Variants in FRMPD1 observed in about 807,000 individuals in gnomAD.
FRMPD1 encodes FERM and PDZ domain-containing protein 1.
A neutral mutation model predicts 117.8 loss-of-function variants in FRMPD1; 76 were observed. That is an observed-to-expected ratio of 0.65 (90% CI 0.54 to 0.78). The LOEUF (loss-of-function observed/expected upper bound fraction) is 0.78, where lower values mean the gene tolerates loss of function less well. FRMPD1 is among the 30% of genes least tolerant of loss of function. The pLI is 0.00. For synonymous variants in FRMPD1, 783 were observed against 770.4 expected (o/e 1.02, Z -0.27); for missense variants, 1,786 against 1,964.5 (o/e 0.91, Z 1.72).
At chr9:37,630,149 G>A in the FRMPD1 span, among the ~76,000 whole-genome samples, 1 of 152,164 alleles carries the variant, frequency 6.6e-6, no homozygotes, top group Admixed American at 6.5e-5. Flanking sequence ...TTGGAGTTTA[G>A]ATTTCAACAT....
chr9:37,724,021 A>C (rs988020000), intron 6 of FRMPD1, among the ~76,000 whole-genome samples: 3 of 151,882 alleles, frequency 2.0e-5, no homozygotes, highest in African/African-American at 7.2e-5. Flanking sequence ...AAATAAAAAA[A>C]AATAAAAGCC....
At chr9:37,636,656 G>T in the FRMPD1 span, 1 of 1,424,630 alleles carries the variant, frequency 7.0e-7, no homozygotes, top group South Asian at 1.4e-5. Context: ...TTTGGAGAAG[G>T]TGCCCCCTCC....
At chr9:37,647,700 TCA>T (rs1824167881), upstream of FRMPD1, among the ~76,000 whole-genome samples, 1 of 152,116 alleles carries the variant, frequency 6.6e-6, no homozygotes, top group South Asian at 2.1e-4. Context: ...TGTAAACAAA[TCA>T]TTGTAATGGG....
the FRMPD1 span, among the ~76,000 whole-genome samples, chr9:37,619,635 AT>A: frequency 0.013 from 1,994 of 152,036 alleles, 17 homozygotes; most frequent in Non-Finnish European, 0.018. Context: ...GTGGGTGCCT[AT>A]AATCCCAGCT....
intron 15 of FRMPD1, among the ~76,000 whole-genome samples, chr9:37,742,466 G>C (rs191580667): frequency 6.6e-6 from 1 of 152,302 alleles, no homozygotes; most frequent in Non-Finnish European, 1.5e-5. Context: ...CCTCAGCCTG[G>C]GTTCTGATTT....
chr9:37,627,664 A>T, the FRMPD1 span, among the ~76,000 whole-genome samples: 2 of 152,088 alleles, frequency 1.3e-5, no homozygotes, highest in Admixed American at 6.6e-5. Context: ...TATAGAGACA[A>T]GGTCTCACTT....
intron 1 of FRMPD1, among the ~76,000 whole-genome samples, chr9:37,664,172 C>T (rs1252340261): frequency 6.6e-6 from 1 of 151,770 alleles, no homozygotes; most frequent in African/African-American, 2.4e-5. Context: ...GAGTGGAGGG[C>T]ACCGAGATGA....
At chr9:37,629,693 A>C in the FRMPD1 span, among the ~76,000 whole-genome samples, 1 of 152,234 alleles carries the variant, frequency 6.6e-6, no homozygotes, top group African/African-American at 2.4e-5. Context: ...CTTTTTAAAA[A>C]AAATGTTGAA....
chr9:37,730,050 A>T (rs1823801391), intron 8 of FRMPD1, among the ~76,000 whole-genome samples, 197 bp downstream of exon 8: 1 of 152,230 alleles, frequency 6.6e-6, no homozygotes, highest in African/African-American at 2.4e-5. Flanking sequence ...AGTATGAGGT[A>T]GGCAGGACAC....
At chr9:37,648,341 G>A (rs887830319), upstream of FRMPD1, among the ~76,000 whole-genome samples, 4 of 152,164 alleles carry the variant, frequency 2.6e-5, no homozygotes, top group African/African-American at 9.7e-5. Flanking sequence ...TGGTGTGCAG[G>A]TGTGGGGTGA....
chr9:37,741,450 GACACACACACACACAC>G (rs56971939), intron 15 of FRMPD1, among the ~76,000 whole-genome samples: 77 of 135,740 alleles, frequency 5.7e-4, no homozygotes, highest in South Asian at 2.3e-3. Context: ...ATCCTGGCAG[GACACACACACACACAC>G]ACACACACAC....
At chr9:37,682,944 T>C (rs941160741) in intron 1 of FRMPD1, among the ~76,000 whole-genome samples, 16 of 152,218 alleles carry the variant, frequency 1.1e-4, no homozygotes, top group Admixed American at 2.6e-4. Context: ...GTTTTTAGAA[T>C]ATTCACAAAA....
chr9:37,709,578 AAAG>A (rs1822836928), intron 4 of FRMPD1, among the ~76,000 whole-genome samples: 1 of 152,188 alleles, frequency 6.6e-6, no homozygotes, highest in African/African-American at 2.4e-5. Flanking sequence ...AAGAAAAAGA[AAAG>A]AAAAGCCAAG....
intron 15 of FRMPD1, among the ~76,000 whole-genome samples, chr9:37,742,708 G>T (rs1210132230): frequency 6.6e-6 from 1 of 152,144 alleles, no homozygotes; most frequent in Non-Finnish European, 1.5e-5. Flanking sequence ...AGACTAGCCT[G>T]GCCAACATGG....
chr9:37,645,426 A>G, the FRMPD1 span, among the ~76,000 whole-genome samples: 1 of 152,262 alleles, frequency 6.6e-6, no homozygotes, highest in Non-Finnish European at 1.5e-5. Flanking sequence ...GAACAGGAAA[A>G]GAAATATAAG....
chr9:37,678,846 C>T (rs1821623996), intron 1 of FRMPD1, among the ~76,000 whole-genome samples: 3 of 152,246 alleles, frequency 2.0e-5, no homozygotes, highest in Admixed American at 2.0e-4. Flanking sequence ...CTGTGTGAGC[C>T]TCCCAAGTCA....
At chr9:37,715,423 T>C (rs945230625) in intron 5 of FRMPD1, among the ~76,000 whole-genome samples, 2 of 152,226 alleles carry the variant, frequency 1.3e-5, no homozygotes, top group African/African-American at 4.8e-5. Context: ...GCTGCCTTTG[T>C]GAGTGACATT....
intron 5 of FRMPD1, among the ~76,000 whole-genome samples, chr9:37,716,043 A>G (rs1319113868): frequency 6.6e-6 from 1 of 152,184 alleles, no homozygotes; most frequent in Non-Finnish European, 1.5e-5. Flanking sequence ...GTCCAATTTT[A>G]TGGTGACCCT....
chr9:37,720,835 C>T (rs562610794), intron 6 of FRMPD1, among the ~76,000 whole-genome samples: 39 of 152,340 alleles, frequency 2.6e-4, no homozygotes, highest in African/African-American at 9.1e-4. Flanking sequence ...TGCAGTGAGC[C>T]GAGATTGCGC....
Sources: allele counts gnomAD v4.1 joint callset (sites outside exome capture counted in the v4.1 genomes callset), GRCh38; gene constraint gnomAD v4.1.1; transcripts MANE v1.5; gene names NCBI Gene and HGNC (gene_info 2026-07-23, HGNC 2026-07-21).